Variants in TMTC2 observed in about 807,000 individuals in gnomAD.
TMTC2 encodes the protein protein O-mannosyl-transferase TMTC2.
Under a neutral mutation model 82.4 loss-of-function variants are expected in TMTC2, and 43 were observed. The observed-to-expected ratio is 0.52, with a 90% CI of 0.41 to 0.67. The LOEUF is 0.67. Ranked by LOEUF, TMTC2 falls within the 30% of genes least tolerant of loss-of-function variation. TMTC2 has a pLI of 0.00. For synonymous variants in TMTC2, 408 were observed against 381.9 expected, an observed-to-expected ratio of 1.07 and a Z score of -0.80; for missense variants, 919 against 1,012.4, an observed-to-expected ratio of 0.91 and a Z score of 1.25.
At chr12:82,956,210 G>T (rs2137287420) in intron 4 of TMTC2, among the ~76,000 whole-genome samples, 1 of 152,048 alleles carries the variant, frequency 6.6e-6, no homozygotes, top group Non-Finnish European at 1.5e-5. Flanking sequence ...TTCATGATAG[G>T]ATCAAAACCT....
chr12:83,104,319 C>T (rs991012720), intron 11 of TMTC2, among the ~76,000 whole-genome samples: 1 of 152,194 alleles, frequency 6.6e-6, no homozygotes, highest in African/African-American at 2.4e-5. Context: ...GTGGCGGCTC[C>T]AACCCAACAT....
chr12:82,821,058 G>A (rs775406225), intron 1 of TMTC2, among the ~76,000 whole-genome samples: 9 of 151,630 alleles, frequency 5.9e-5, no homozygotes, highest in South Asian at 2.1e-4. Flanking sequence ...AGAGTCTTGC[G>A]ATGTTGTCAA....
At chr12:82,819,015 G>A (rs1868917890) in intron 1 of TMTC2, among the ~76,000 whole-genome samples, 1 of 151,826 alleles carries the variant, frequency 6.6e-6, no homozygotes, top group Non-Finnish European at 1.5e-5. Context: ...ACAAAGTAAG[G>A]CCTACCTTTT....
intron 3 of TMTC2, among the ~76,000 whole-genome samples, chr12:82,899,324 T>C (rs1359783834): frequency 6.6e-6 from 1 of 151,848 alleles, no homozygotes; most frequent in Non-Finnish European, 1.5e-5. Flanking sequence ...GGCCGAGAAT[T>C]CTGAAGTCAT....
At chr12:83,027,014 C>G (rs1881212643) in intron 8 of TMTC2, among the ~76,000 whole-genome samples, 1 of 152,072 alleles carries the variant, frequency 6.6e-6, no homozygotes, top group Non-Finnish European at 1.5e-5. Context: ...ACCAGGCACT[C>G]TCCTAATTGG....
rs531171262 is a variant in TMTC2, at chr12:82,901,585, A to T, written c.1483+4939A>T. On this transcript the variant is annotated intron_variant, in intron 3 of 11. Coordinates refer to ENST00000321196, the MANE Select transcript of TMTC2 (RefSeq NM_152588.3). ...CCAAAGTGCTGGGATTACAGGCCTT[A>T]TCTGTAATATTAGTAAAAGACTCTC... 3.9e-5 allele frequency among the ~76,000 whole-genome samples: 6 copies of T among 152,068 alleles called. No individual in the cohort carries two copies. In the South Asian group the frequency reaches 1.0e-3, roughly 26 times the overall value.
At chr12:82,892,518 T>C (rs1050009576) in intron 2 of TMTC2, among the ~76,000 whole-genome samples, 30 of 152,210 alleles carry the variant, frequency 2.0e-4, no homozygotes, top group African/African-American at 7.2e-4. Context: ...AGTTTTGCCT[T>C]GTTATGACAT....
intron 8 of TMTC2, among the ~76,000 whole-genome samples, chr12:83,000,310 A>T (rs1223195895): frequency 6.6e-6 from 1 of 152,046 alleles, no homozygotes; most frequent in East Asian, 1.9e-4. Flanking sequence ...AATTTTTTGT[A>T]TTTTTAGTAG....
At chr12:82,997,435 G>C (rs56051057) in intron 8 of TMTC2, among the ~76,000 whole-genome samples, 1 of 60,936 alleles carries the variant, frequency 1.6e-5, no homozygotes, top group African/African-American at 5.1e-5. Context: ...TATACACACA[G>C]AGAGAGAGAA....
chr12:82,745,769 T>C (rs1346080978), intron 1 of TMTC2, among the ~76,000 whole-genome samples: 1 of 152,196 alleles, frequency 6.6e-6, no homozygotes, highest in Non-Finnish European at 1.5e-5. Flanking sequence ...AGCAGGCAAA[T>C]AGCTGCTAAA....
At chr12:82,811,714 G>C (rs979893354) in intron 1 of TMTC2, among the ~76,000 whole-genome samples, 2 of 147,212 alleles carry the variant, frequency 1.4e-5, no homozygotes, top group Non-Finnish European at 3.0e-5. Context: ...ACTATGAAAA[G>C]TATTTTTTAA....
chr12:83,005,364 C>T (rs929049260), intron 8 of TMTC2, among the ~76,000 whole-genome samples: 2 of 150,862 alleles, frequency 1.3e-5, no homozygotes, highest in African/African-American at 2.4e-5. Flanking sequence ...AATGGCTGGC[C>T]GATTGGCTCC....
intron 1 of TMTC2, among the ~76,000 whole-genome samples, chr12:82,798,823 AG>A (rs1878857802): frequency 6.6e-6 from 1 of 151,200 alleles, no homozygotes; most frequent in African/African-American, 2.4e-5. Context: ...AAAAAAAAAA[AG>A]GATGTAAAGA....
intron 8 of TMTC2, among the ~76,000 whole-genome samples, chr12:83,021,543 T>A (rs910216489): frequency 2.8e-4 from 42 of 152,100 alleles, no homozygotes; most frequent in African/African-American, 1.0e-3. Context: ...TGCAGTGAGC[T>A]ATAATCATGC....
chr12:82,967,951 A>G (rs1878290308), intron 7 of TMTC2, among the ~76,000 whole-genome samples: 1 of 152,100 alleles, frequency 6.6e-6, no homozygotes, highest in African/African-American at 2.4e-5. Flanking sequence ...AATAGTAGCT[A>G]TATGTCTTGA....
At chr12:83,077,172 G>A (rs1466016479) in intron 11 of TMTC2, among the ~76,000 whole-genome samples, 3 of 152,158 alleles carry the variant, frequency 2.0e-5, no homozygotes, top group South Asian at 2.1e-4. Flanking sequence ...GCATATTGAC[G>A]TTGTTTAAGC....
chr12:82,751,779 A>G (rs964505811), intron 1 of TMTC2, among the ~76,000 whole-genome samples: 2 of 152,180 alleles, frequency 1.3e-5, no homozygotes, highest in Admixed American at 6.5e-5. Context: ...AAAGAAGGAA[A>G]ATAGTGTGGA....
intron 1 of TMTC2, among the ~76,000 whole-genome samples, chr12:82,712,256 C>T (rs1399829053): frequency 1.3e-5 from 2 of 152,064 alleles, no homozygotes; most frequent in African/African-American, 2.4e-5. Flanking sequence ...GTGGTGAAAC[C>T]CTGTCTCTAC....
intron 10 of TMTC2, among the ~76,000 whole-genome samples, chr12:83,053,893 C>A (rs1223072818): frequency 6.6e-6 from 1 of 152,064 alleles, no homozygotes; most frequent in African/African-American, 2.4e-5. Flanking sequence ...TTCACCAGAA[C>A]ACTCTGAGGT....
Sources: allele counts gnomAD v4.1 joint callset (sites outside exome capture counted in the v4.1 genomes callset), GRCh38; gene constraint gnomAD v4.1.1; transcripts MANE v1.5; gene names NCBI Gene and HGNC (gene_info 2026-07-23, HGNC 2026-07-21).